ETNK1: variants seen among roughly 807,000 people sequenced by gnomAD.
ETNK1 encodes ethanolamine kinase 1.
A neutral mutation model predicts 45.1 loss-of-function variants in ETNK1; 8 were observed. That is an observed-to-expected ratio of 0.18 (90% CI 0.10 to 0.32). ETNK1 has a LOEUF of 0.32. ETNK1 is among the 10% of genes least tolerant of loss of function. The pLI is 1.00. For missense variants in ETNK1, 302 were observed against 430.6 expected, an observed-to-expected ratio of 0.70 and a Z score of 2.64; for synonymous variants, 152 against 151.9, an observed-to-expected ratio of 1.00 and a Z score of -0.01.
rs928064787 is a variant in ETNK1 at position 22,650,746 on chromosome 12, A to G, written c.416+6724A>G. Among the ~76,000 whole-genome samples, 4 of 152,026 alleles carry G rather than the reference A, an allele frequency of 2.6e-5. No homozygotes were observed. In the East Asian group the frequency reaches 7.7e-4, roughly 29 times the overall value. The stretch of plus-strand genomic sequence containing the variant: ...TTTAAAAATAATCTTTTAAATAAAT[A>G]GGAAATATAAAAATGTAGCATTTTC... On this transcript the variant is annotated intron_variant, in intron 2 of 7. Coordinates refer to ENST00000266517, the MANE Select transcript of ETNK1 (RefSeq NM_018638.5).
At chr12:22,630,344 G>A (rs908231383) in intron 1 of ETNK1, among the ~76,000 whole-genome samples, 1 of 152,248 alleles carries the variant, frequency 6.6e-6, no homozygotes, top group Admixed American at 6.5e-5. Flanking sequence ...TTTTGTACTA[G>A]CTGTAATGCT....
At chr12:22,671,379 T>C in intron 5 of ETNK1, 24 bp downstream of exon 5, 1 of 1,362,218 alleles carries the variant, frequency 7.3e-7, no homozygotes, top group Admixed American at 1.7e-5. Context: ...AGTAACTTAT[T>C]TAGCTTTGAA....
intron 2 of ETNK1, chr12:22,656,787 A>C: frequency 2.0e-6 from 2 of 983,080 alleles, no homozygotes; most frequent in South Asian, 9.4e-5. Context: ...TTTATTTAAA[A>C]AAACCACAGC....
At chr12:22,655,149 G>T (rs1169662330) in intron 2 of ETNK1, among the ~76,000 whole-genome samples, 2 of 150,570 alleles carry the variant, frequency 1.3e-5, no homozygotes, top group East Asian at 3.9e-4. Flanking sequence ...TCTATTTTTA[G>T]TAGAGACGGG....
At chr12:22,631,252 G>A (rs1440771126) in intron 1 of ETNK1, among the ~76,000 whole-genome samples, 1 of 150,744 alleles carries the variant, frequency 6.6e-6, no homozygotes, top group Non-Finnish European at 1.5e-5. Flanking sequence ...TCGGCTCACC[G>A]CAACCTCTGC....
chr12:22,641,075 T>A (rs1953729937), intron 1 of ETNK1, among the ~76,000 whole-genome samples: 1 of 152,192 alleles, frequency 6.6e-6, no homozygotes, highest in Admixed American at 6.5e-5. Context: ...AAGTATTACC[T>A]GTACATCTTT....
intron 1 of ETNK1, among the ~76,000 whole-genome samples, chr12:22,636,122 C>G (rs1361164638): frequency 6.6e-6 from 1 of 152,100 alleles, no homozygotes; most frequent in African/African-American, 2.4e-5. Context: ...GTGATTGTGT[C>G]ACTGCACTGC....
intron 2 of ETNK1, among the ~76,000 whole-genome samples, chr12:22,656,245 A>C (rs1176828170): frequency 6.6e-6 from 1 of 152,206 alleles, no homozygotes; most frequent in Non-Finnish European, 1.5e-5. Flanking sequence ...ACTGCTTTAG[A>C]TTCATCTTGA....
intron 1 of ETNK1, among the ~76,000 whole-genome samples, chr12:22,633,397 G>A (rs978845000): frequency 1.3e-5 from 2 of 152,178 alleles, no homozygotes; most frequent in Admixed American, 1.3e-4. Context: ...TGTTTTGTCC[G>A]TTACTGTAGC....
At position 22,671,359 on chromosome 12, in the gene ETNK1, T is replaced by C; in HGVS notation, c.784+4T>C. On this transcript the variant is annotated splice_donor_region_variant and intron_variant, in intron 5 of 7. Transcript: ENST00000266517. ...AATCATTTCAATGAATTTGCAGGTA[T>C]AACTAATGGAGTAACTTATTTAGCT... 1 of 1,533,790 alleles carries C rather than the reference T, an allele frequency of 6.5e-7. No homozygotes were observed. The highest frequency in any genetic ancestry group is 2.2e-5 in the East Asian group (1 of 44,462).
chr12:22,668,356 A>G (rs949018585), intron 4 of ETNK1, among the ~76,000 whole-genome samples: 3 of 152,228 alleles, frequency 2.0e-5, no homozygotes, highest in African/African-American at 7.2e-5. Context: ...AGGAAAAAGT[A>G]TATTTTCTGT....
chr12:22,656,618 C>T, intron 2 of ETNK1: 1 of 985,388 alleles, frequency 1.0e-6, no homozygotes, highest in Non-Finnish European at 1.2e-6. Context: ...CACACCTGTT[C>T]TGAATCCAGC....
intron 2 of ETNK1, among the ~76,000 whole-genome samples, chr12:22,647,701 G>A (rs1953824040): frequency 6.6e-6 from 1 of 151,910 alleles, no homozygotes; most frequent in Non-Finnish European, 1.5e-5. Context: ...GGGATGGTAA[G>A]ATTAAAGATT....
chr12:22,655,281 T>A (rs1953924746), intron 2 of ETNK1, among the ~76,000 whole-genome samples: 1 of 151,616 alleles, frequency 6.6e-6, no homozygotes, highest in South Asian at 2.1e-4. Context: ...TTGTAGGAAG[T>A]TAGTGTGAAA....
Position 22,688,467 on chromosome 12 carries a change from A to G in ETNK1, c.*3513A>G, listed in dbSNP as rs1954278279. On this transcript the variant is annotated 3_prime_UTR_variant, in exon 8 of 8. Transcript: ENST00000266517. ...CCTCCACTTTTAAAATTATACAAAT[A>G]TTTCTTTTTTACATTACACAGAAGC... 1.3e-5 allele frequency: 2 copies of G among 152,136 alleles called. No homozygotes were observed. The allele number at this position is 152,136 out of a possible 1,614,324, so 9.4% of individuals were successfully genotyped here.
intron 5 of ETNK1, among the ~76,000 whole-genome samples, chr12:22,672,510 ATC>A (rs1954119652): frequency 6.6e-6 from 1 of 152,200 alleles, no homozygotes; most frequent in Non-Finnish European, 1.5e-5. Context: ...ATTTTTACGT[ATC>A]TCATCTATGG....
chr12:22,634,656 G>A (rs745608297), intron 1 of ETNK1, among the ~76,000 whole-genome samples: 25 of 152,128 alleles, frequency 1.6e-4, no homozygotes, highest in Admixed American at 2.6e-4. Flanking sequence ...GTGCAGTGGT[G>A]CGATCATGGC....
chr12:22,653,195 T>C (rs2086825484), intron 2 of ETNK1, among the ~76,000 whole-genome samples: 1 of 152,180 alleles, frequency 6.6e-6, no homozygotes, highest in Non-Finnish European at 1.5e-5. Context: ...TTGGGTTCTC[T>C]GCTCTATTCC....
intron 6 of ETNK1, 36 bp downstream of exon 6, chr12:22,673,696 T>G: frequency 6.5e-7 from 1 of 1,533,610 alleles, no homozygotes; most frequent in Non-Finnish European, 8.8e-7. Flanking sequence ...GAAAGGTTCT[T>G]ACTGTAATTG....
Sources: allele counts gnomAD v4.1 joint callset (sites outside exome capture counted in the v4.1 genomes callset), GRCh38; gene constraint gnomAD v4.1.1; transcripts MANE v1.5; gene names NCBI Gene and HGNC (gene_info 2026-07-23, HGNC 2026-07-21).